Variants in PRKCH observed in about 807,000 individuals in gnomAD.
PRKCH encodes protein kinase C eta type.
Under a neutral mutation model 82.5 loss-of-function variants are expected in PRKCH, and 28 were observed. The observed-to-expected ratio is 0.34, with a 90% CI of 0.25 to 0.47. PRKCH has a LOEUF of 0.47. PRKCH is among the 20% of genes least tolerant of loss of function. The pLI, the probability that PRKCH is intolerant of heterozygous loss-of-function variation, is 1.00. For synonymous variants in PRKCH, 322 were observed against 327.4 expected (o/e 0.98, Z 0.18); for missense variants, 705 against 881.8 (o/e 0.80, Z 2.54).
At chr14:61,486,307 G>T (rs1211202596) in intron 10 of PRKCH, among the ~76,000 whole-genome samples, 1 of 151,964 alleles carries the variant, frequency 6.6e-6, no homozygotes, top group Non-Finnish European at 1.5e-5. Flanking sequence ...TTACAGTCAT[G>T]TGGAGCATGG....
At position 61,220,238 on chromosome 14, in the gene PRKCH, A is replaced by G. The variant is rs561381739; in HGVS notation, c.-19+32570A>G. On this transcript the variant is annotated intron_variant, in intron 1 of 3. Coordinates refer to the PRKCH transcript ENST00000555185. ...GGCTCCTGATCGCCTTCATCCAAGG[A>G]CATCTCCTCTGTCAGGGAGCACAGT... Among the ~76,000 whole-genome samples the G allele has an allele frequency of 5.9e-5, 9 of 152,358 alleles. No homozygotes were observed. The East Asian group carries it at 1.7e-3, about 29-fold the overall frequency.
intron 1 of PRKCH, among the ~76,000 whole-genome samples, chr14:61,284,446 G>A (rs571388097): frequency 5.9e-5 from 9 of 152,198 alleles, no homozygotes; most frequent in Admixed American, 1.3e-4. Context: ...GGCAGGTGCC[G>A]TGAAAGCTGG....
intron 1 of PRKCH, among the ~76,000 whole-genome samples, chr14:61,330,774 A>G (rs9888600): frequency 0.048 from 7,281 of 152,218 alleles, 277 homozygotes; most frequent in East Asian, 0.16. Context: ...GACATTTTAA[A>G]TTTTGTGACA....
intron 4 of PRKCH, among the ~76,000 whole-genome samples, chr14:61,446,474 C>T (rs527410042): frequency 5.4e-4 from 82 of 152,298 alleles, no homozygotes; most frequent in African/African-American, 1.9e-3. Flanking sequence ...AAAATAGCAC[C>T]ACATATCCTA....
intron 1 of PRKCH, among the ~76,000 whole-genome samples, chr14:61,381,098 TGGAAC>T (rs1358158186): frequency 6.6e-6 from 1 of 152,200 alleles, no homozygotes; most frequent in Non-Finnish European, 1.5e-5. Flanking sequence ...GTTTAGGACT[TGGAAC>T]CTTAGAATAT....
intron 9 of PRKCH, among the ~76,000 whole-genome samples, chr14:61,475,662 T>TA (rs981956401): frequency 1.1e-4 from 17 of 152,198 alleles, no homozygotes; most frequent in East Asian, 1.9e-4. Context: ...ATGCAACTGT[T>TA]AAAAAAATCA....
chr14:61,542,871 C>T (rs752444362), intron 12 of PRKCH, among the ~76,000 whole-genome samples: 6 of 152,194 alleles, frequency 3.9e-5, no homozygotes, highest in African/African-American at 9.7e-5. Flanking sequence ...GAGCCTAGGA[C>T]GGCAACAAGA....
chr14:61,256,479 G>T (rs980008701), intron 1 of PRKCH, among the ~76,000 whole-genome samples: 1 of 152,160 alleles, frequency 6.6e-6, no homozygotes, highest in Non-Finnish European at 1.5e-5. Context: ...TGAAGACAAT[G>T]CTCGTCTATG....
intron 9 of PRKCH, among the ~76,000 whole-genome samples, chr14:61,475,033 C>T (rs1885670153): frequency 6.6e-6 from 1 of 152,204 alleles, no homozygotes; most frequent in Non-Finnish European, 1.5e-5. Flanking sequence ...TATCTTCCCA[C>T]ATGGCATAAG....
exon 1 of PRKCH, chr14:61,187,629 A>G (rs1271442525): frequency 6.6e-6 from 1 of 152,542 alleles, no homozygotes; most frequent in African/African-American, 2.4e-5. Flanking sequence ...CAGGAGAAGG[A>G]CGCTGCTTCT....
chr14:61,261,085 A>C lies in PRKCH; in HGVS notation c.-19+73417A>C, dbSNP rs555823969. 1.4e-4 allele frequency among the ~76,000 whole-genome samples: 21 copies of C among 152,236 alleles called. No homozygotes were observed. The South Asian group carries it at 4.4e-3, about 32-fold the overall frequency. On this transcript the variant is annotated intron_variant, in intron 1 of 3. Transcript: ENST00000555185. ...AATCCTAGAGTAATCGGTTCCAAAA[A>C]CAATACCACCACCACCAACAAAAAA...
chr14:61,541,371 A>G (rs779767057), intron 12 of PRKCH, among the ~76,000 whole-genome samples: 7 of 152,136 alleles, frequency 4.6e-5, no homozygotes, highest in Non-Finnish European at 1.0e-4. Flanking sequence ...ACCGCACTCT[A>G]TTCTGTGTCC....
At chr14:61,368,036 T>C (rs1481356402) in intron 1 of PRKCH, among the ~76,000 whole-genome samples, 1 of 151,898 alleles carries the variant, frequency 6.6e-6, no homozygotes, top group Non-Finnish European at 1.5e-5. Flanking sequence ...GATCTGTAGG[T>C]GAATCTTAGT....
In PRKCH at chr14:61,391,257, G is replaced by A; in HGVS notation, c.396G>A (p.Val132=). The change falls in exon 2 of 14, where the codon GTG becomes GTA. Residue 132 remains valine (V), a synonymous_variant. Transcript: ENST00000332981. ...TCGAGCCAGAGGGGAAAGTATTTGT[G>A]GTAATAACCCTTACCGGGAGTTTCA... ...VDLEPEGKVF[V]VITLTGSFTE... 6.2e-7 allele frequency: 1 copy of A among 1,610,692 alleles called. No homozygotes were observed. The highest frequency in any genetic ancestry group is 8.5e-7 in the Non-Finnish European group (1 of 1,178,466).
At chr14:61,293,408 G>A (rs563524917) in intron 1 of PRKCH, among the ~76,000 whole-genome samples, 3 of 152,288 alleles carry the variant, frequency 2.0e-5, no homozygotes, top group African/African-American at 7.2e-5. Context: ...AAGCAGAGAA[G>A]GGACTTCCCA....
At chr14:61,212,094 T>C (rs149568442) in intron 1 of PRKCH, among the ~76,000 whole-genome samples, 2 of 152,330 alleles carry the variant, frequency 1.3e-5, no homozygotes, top group East Asian at 3.9e-4. Context: ...GCTCACCACT[T>C]CTGCTTTAGG....
At chr14:61,328,504 A>G (rs1298067600) in intron 1 of PRKCH, among the ~76,000 whole-genome samples, 1 of 152,044 alleles carries the variant, frequency 6.6e-6, no homozygotes, top group Non-Finnish European at 1.5e-5. Context: ...CTTGGAGAGG[A>G]ATGAGGTTGG....
At chr14:61,209,830 C>G (rs12437321) in intron 1 of PRKCH, among the ~76,000 whole-genome samples, 33,451 of 151,810 alleles carry the variant, frequency 0.22, 4,624 homozygotes, top group Admixed American at 0.36. Context: ...TTTTGAACTC[C>G]CTGGTGTCTA....
At chr14:61,247,103 C>G (rs937213346) in intron 1 of PRKCH, among the ~76,000 whole-genome samples, 1 of 152,084 alleles carries the variant, frequency 6.6e-6, no homozygotes, top group Non-Finnish European at 1.5e-5. Flanking sequence ...CTGGGAACAC[C>G]GTAAAGGCAG....
Sources: allele counts gnomAD v4.1 joint callset (sites outside exome capture counted in the v4.1 genomes callset), GRCh38; gene constraint gnomAD v4.1.1; transcripts MANE v1.5; gene names NCBI Gene and HGNC (gene_info 2026-07-23, HGNC 2026-07-21).